Variants in ACSM2A observed in about 807,000 individuals in gnomAD.
ACSM2A encodes acyl-CoA synthetase medium chain family member 2A.
ACSM2A carries 72 observed loss-of-function variants against 76.6 expected under a neutral mutation model. The observed-to-expected ratio is 0.94, with a 90% CI of 0.78 to 1.14. The LOEUF (loss-of-function observed/expected upper bound fraction) is 1.14, where lower values mean the gene tolerates loss of function less well. ACSM2A is among the 50% of genes most tolerant of loss of function. The pLI, the probability that ACSM2A is intolerant of heterozygous loss-of-function variation, is 0.00. For missense variants in ACSM2A, 684 were observed against 708.5 expected, an observed-to-expected ratio of 0.97 and a Z score of 0.39; for synonymous variants, 249 against 255.9, an observed-to-expected ratio of 0.97 and a Z score of 0.26.
At chr16:20,471,992 G>C (rs572366551) in intron 6 of ACSM2A, among the ~76,000 whole-genome samples, 7 of 152,170 alleles carry the variant, frequency 4.6e-5, no homozygotes, top group Non-Finnish European at 1.0e-4. Context: ...AGATGCTGGT[G>C]AACCACGTGT....
chr16:20,485,662 A>G (rs2014344825), intron 13 of ACSM2A, among the ~76,000 whole-genome samples: 1 of 152,156 alleles, frequency 6.6e-6, no homozygotes, highest in Non-Finnish European at 1.5e-5. Context: ...TAGTTTGCTG[A>G]CCTCTCCTCC....
intron 10 of ACSM2A, among the ~76,000 whole-genome samples, chr16:20,479,474 CT>C: frequency 1.3e-5 from 2 of 152,174 alleles, no homozygotes; most frequent in Admixed American, 6.5e-5. Context: ...CCCTGCTCTA[CT>C]ATGTATTGCA....
intron 1 of ACSM2A, chr16:20,453,933 C>T (rs2141675622): frequency 8.0e-6 from 1 of 125,012 alleles, no homozygotes; most frequent in Admixed American, 7.9e-5. Flanking sequence ...TGTTCTCAAA[C>T]CCTGTTTCCT....
In ACSM2A at chr16:20,460,254, C is replaced by T. The variant is rs1307966161; in HGVS notation, c.140C>T (p.Ala47Val). The T allele has an allele frequency of 1.2e-6, 2 of 1,613,596 alleles. No homozygotes were observed. Among genetic ancestry groups the T allele is most frequent in the African/African-American group, 1.3e-5 (1 of 74,992 alleles). ...HQEVPAKFNF[A>V]SDVLDHWADM... ...GAAGTGCCGGCCAAGTTTAACTTTG[C>T]TAGTGATGTGTTGGATCACTGGGCT... Residue 47 changes from alanine (A) to valine (V), a missense_variant, in exon 2 of 14, where the codon GCT becomes GTT. Physicochemically the swap from Ala to Val is moderately conservative, Grantham distance 64. This residue lies in a region of ACSM2A where 519 missense variants were observed against 549.5 expected (regional missense o/e 0.94). Coordinates refer to ENST00000573854, the MANE Select transcript of ACSM2A (RefSeq NM_001308172.2).
intron 3 of ACSM2A, among the ~76,000 whole-genome samples, chr16:20,467,559 TG>T (rs373442975): frequency 6.6e-6 from 1 of 151,912 alleles, no homozygotes; most frequent in Non-Finnish European, 1.5e-5. Flanking sequence ...AACAGGCAAT[TG>T]GGGGGTGAAC....
At chr16:20,473,663 C>T (rs1444952242) in intron 6 of ACSM2A, among the ~76,000 whole-genome samples, 1 of 152,072 alleles carries the variant, frequency 6.6e-6, no homozygotes, top group Non-Finnish European at 1.5e-5. Context: ...AAATAAAATC[C>T]TAAGGCCCCA....
intron 1 of ACSM2A, among the ~76,000 whole-genome samples, chr16:20,455,267 T>A (rs2012073667): frequency 6.6e-6 from 1 of 150,912 alleles, no homozygotes; most frequent in Non-Finnish European, 1.5e-5. Flanking sequence ...GCTAAAGACC[T>A]AGACATCCAA....
intron 2 of ACSM2A, among the ~76,000 whole-genome samples, chr16:20,461,169 T>G: frequency 6.9e-6 from 1 of 144,388 alleles, no homozygotes; most frequent in Non-Finnish European, 1.5e-5. Flanking sequence ...CTTAATACAT[T>G]GGTGCTCAAA....
rs899381633 is a variant in ACSM2A at position 20,465,834 on chromosome 16, C to T, written c.388+107C>T. Reference sequence around the variant, plus strand: ...AAAGAAGTCTCCTCCTTGGAGCATGCTGTCCTGTATCATATGAAGAAAGAC... The same window carrying T: ...AAAGAAGTCTCCTCCTTGGAGCATGTTGTCCTGTATCATATGAAGAAAGAC... On this transcript the variant is annotated intron_variant, in intron 3 of 13. Coordinates refer to ENST00000573854, the MANE Select transcript of ACSM2A (RefSeq NM_001308172.2). 4.1e-6 allele frequency: 6 copies of T among 1,480,952 alleles called. No individual in the cohort carries two copies. The African/African-American group carries it at 8.5e-5, about 21-fold the overall frequency. The allele number at this position is 1,480,952 out of a possible 1,614,324, so 91.7% of individuals were successfully genotyped here.
chr16:20,480,465 T>C (rs2014018169), intron 10 of ACSM2A, 108 bp from the exon 11 acceptor site: 1 of 1,516,204 alleles, frequency 6.6e-7, no homozygotes, highest in Admixed American at 2.2e-5. Context: ...GGTTATACAC[T>C]GCACACCTGC....
At chr16:20,479,250 C>A (rs1367185482) in intron 10 of ACSM2A, among the ~76,000 whole-genome samples, 2 of 152,140 alleles carry the variant, frequency 1.3e-5, no homozygotes, top group African/African-American at 4.8e-5. Context: ...CAAGGGCATG[C>A]CTTCTGATCC....
rs188648395 is a variant in ACSM2A at position 20,475,748 on chromosome 16, G to C, written c.1073G>C (p.Arg358Pro). 1.2e-5 allele frequency: 20 copies of C among 1,614,020 alleles called. No individual in the cohort carries two copies. In the Admixed American group the frequency reaches 2.5e-4, roughly 20 times the overall value. ...AGGGCCCAGACAGGACTGGACATCC[G>C]AGAATCCTATGGCCAGACAGAAACG... is the stretch of plus-strand genomic sequence containing the variant. Reference protein sequence around the residue: ...NWRAQTGLDIRESYGQTETGL... With the variant: ...NWRAQTGLDIPESYGQTETGL... Residue 358 changes from arginine to proline, a missense_variant, in exon 8 of 14, where the codon CGA becomes CCA. Physicochemically the swap from Arg to Pro is moderately radical, Grantham distance 103. Around this residue, in one of 3 missense-constraint regions of ACSM2A, gnomAD observed 519 missense variants for 549.5 expected, o/e 0.94. Coordinates refer to ENST00000573854, the MANE Select transcript of ACSM2A (RefSeq NM_001308172.2).
At chr16:20,470,329 G>A (rs1038192937) in intron 4 of ACSM2A, among the ~76,000 whole-genome samples, 2 of 152,150 alleles carry the variant, frequency 1.3e-5, no homozygotes, top group Non-Finnish European at 2.9e-5. Context: ...ATCTCTAAGA[G>A]AGGCTGATCA....
chr16:20,464,063 G>T (rs2012804939), intron 2 of ACSM2A, among the ~76,000 whole-genome samples: 1 of 152,144 alleles, frequency 6.6e-6, no homozygotes, highest in South Asian at 2.1e-4. Flanking sequence ...GAGGACCTTT[G>T]CTTCAGTTCC....
intron 1 of ACSM2A, chr16:20,452,360 C>A (rs1378603395): frequency 7.0e-6 from 1 of 142,288 alleles, no homozygotes; most frequent in African/African-American, 2.7e-5. Context: ...GTACTGGATG[C>A]TTCCTGCACT....
chr16:20,486,259 G>T (rs1311905977), intron 13 of ACSM2A, among the ~76,000 whole-genome samples: 7 of 152,264 alleles, frequency 4.6e-5, no homozygotes, highest in Non-Finnish European at 8.8e-5. Flanking sequence ...GCTAAAGCCA[G>T]ATGATTGGTA....
intron 8 of ACSM2A, chr16:20,476,479 G>A: frequency 1.0e-6 from 1 of 985,400 alleles, no homozygotes; most frequent in Non-Finnish European, 1.2e-6. Flanking sequence ...AAGGTTGACG[G>A]CAGCTCTGTG....
intron 9 of ACSM2A, among the ~76,000 whole-genome samples, chr16:20,478,034 G>T (rs2013851012): frequency 6.6e-6 from 1 of 152,184 alleles, no homozygotes; most frequent in African/African-American, 2.4e-5. Context: ...TATATCTAAA[G>T]TGTAACTTAG....
chr16:20,475,051 A>G (rs1410935405), intron 6 of ACSM2A, among the ~76,000 whole-genome samples: 1 of 152,088 alleles, frequency 6.6e-6, no homozygotes, highest in Non-Finnish European at 1.5e-5. Context: ...GGGGTGATCT[A>G]CTCCTAGGGG....
Sources: allele counts gnomAD v4.1 joint callset (sites outside exome capture counted in the v4.1 genomes callset), GRCh38; gene constraint gnomAD v4.1.1; regional missense constraint gnomAD v4.1.1; transcripts MANE v1.5; gene names NCBI Gene and HGNC (gene_info 2026-07-23, HGNC 2026-07-21).